ABCA4: variants seen among roughly 807,000 people sequenced by gnomAD.
The protein encoded by ABCA4 is retinal-specific phospholipid-transporting ATPase ABCA4.
In ABCA4, 196 loss-of-function variants were observed where a neutral mutation model predicts 263.7. The ratio of observed to expected loss-of-function variants is 0.74; its 90% confidence interval spans 0.66 to 0.84. The LOEUF is 0.84. Among genes scored for constraint, ABCA4 ranks in the 40% least tolerant of loss-of-function variants. The pLI, the probability that ABCA4 is intolerant of heterozygous loss-of-function variation, is 0.00. For missense variants in ABCA4, 2,792 were observed against 2,855.1 expected, an observed-to-expected ratio of 0.98 and a Z score of 0.50; for synonymous variants, 1,133 against 1,094.2, an observed-to-expected ratio of 1.04 and a Z score of -0.70.
intron 9 of ABCA4, among the ~76,000 whole-genome samples, 200 bp downstream of exon 9, chr1:94,079,122 G>C (rs1029137152): frequency 5.9e-5 from 9 of 152,178 alleles, no homozygotes; most frequent in African/African-American, 1.9e-4. Context: ...GCAGTAGAGA[G>C]GGGAGGGCCC....
intron 3 of ABCA4, 96 bp from the exon 4 acceptor site, chr1:94,108,812 A>G (rs538395476): frequency 8.5e-5 from 124 of 1,451,582 alleles, no homozygotes; most frequent in Admixed American, 1.9e-4. Context: ...TCGCTCTGTC[A>G]CCCAGGCTGG....
Position 94,055,322 on chromosome 1 carries a change from T to G in ABCA4, c.2383-7A>C. On this transcript the variant is annotated splice_region_variant and splice_polypyrimidine_tract_variant and intron_variant, in intron 15 of 49. Coordinates refer to ENST00000370225, the MANE Select transcript of ABCA4 (RefSeq NM_000350.3). ...CCACCGGAGACAGTAAGCTCTGCAG[T>G]GAGGCGGAGAGGGCACAGAAAAAGA... 1 of 1,612,326 alleles carries G rather than the reference T, an allele frequency of 6.2e-7. No homozygotes were observed. The highest frequency in any genetic ancestry group is 8.5e-7 in the Non-Finnish European group (1 of 1,179,452).
intron 47 of ABCA4, 109 bp from the exon 48 acceptor site, chr1:93,998,219 G>C: frequency 1.4e-6 from 2 of 1,468,752 alleles, no homozygotes; most frequent in East Asian, 2.3e-5. Flanking sequence ...AGCTCAGCTT[G>C]GTGGCTCACA....
chr1:94,088,722 C>A (rs1661897965), intron 6 of ABCA4, among the ~76,000 whole-genome samples: 1 of 152,056 alleles, frequency 6.6e-6, no homozygotes, highest in Non-Finnish European at 1.5e-5. Context: ...AGAGGGTAAC[C>A]AAGGGACATC....
At position 94,089,506 on chromosome 1, in the gene ABCA4, C is replaced by T. The variant is rs899710935; in HGVS notation, c.769-6065G>A. ...TTTTTGAGATGGAGTGTCACACTGT[C>T]GCCTAGGTGGGAGTGCAGTGGCACG... On this transcript the variant is annotated intron_variant, in intron 6 of 49. Transcript: ENST00000370225. Among the ~76,000 whole-genome samples the T allele has an allele frequency of 8.2e-5, 12 of 146,798 alleles. No individual in the cohort carries two copies. In the South Asian group the frequency reaches 1.1e-3, roughly 13 times the overall value.
At chr1:94,099,657 G>A (rs925506191) in intron 5 of ABCA4, among the ~76,000 whole-genome samples, 1 of 152,204 alleles carries the variant, frequency 6.6e-6, no homozygotes, top group Non-Finnish European at 1.5e-5. Flanking sequence ...AAAAGCACCA[G>A]ATGCCCAGTC....
Position 94,088,291 on chromosome 1 carries a change from C to T in ABCA4, c.769-4850G>A, listed in dbSNP as rs1661885039. Reference sequence around the variant, plus strand: ...CTGGTTTGCTTTGCTACTTCTCTGCCTTTCCCACCAGCAACTGTACCTCTA... The same window carrying T: ...CTGGTTTGCTTTGCTACTTCTCTGCTTTTCCCACCAGCAACTGTACCTCTA... On this transcript the variant is annotated intron_variant, in intron 6 of 49. Transcript: ENST00000370225. 5.3e-5 allele frequency among the ~76,000 whole-genome samples: 8 copies of T among 152,310 alleles called. No homozygotes were observed. In the South Asian group the frequency reaches 1.7e-3, roughly 32 times the overall value.
At chr1:94,119,991 T>C (rs1190883354) in intron 1 of ABCA4, among the ~76,000 whole-genome samples, 1 of 152,084 alleles carries the variant, frequency 6.6e-6, no homozygotes, top group Non-Finnish European at 1.5e-5. Context: ...CCCCATCCCT[T>C]ATCCCCTCCT....
intron 6 of ABCA4, among the ~76,000 whole-genome samples, chr1:94,092,360 G>C (rs999829014): frequency 6.6e-6 from 1 of 152,212 alleles, no homozygotes; most frequent in Non-Finnish European, 1.5e-5. Context: ...ACATTTATCC[G>C]GGAGGGAAGT....
intron 6 of ABCA4, among the ~76,000 whole-genome samples, chr1:94,095,749 GTTTTTT>G (rs4147879): frequency 7.3e-6 from 1 of 136,964 alleles, no homozygotes; most frequent in East Asian, 2.2e-4. Flanking sequence ...TTTCTTTCAG[GTTTTTT>G]TTTTTTTTTT....
chr1:94,009,333 G>C (rs1350175416), intron 40 of ABCA4, among the ~76,000 whole-genome samples: 1 of 152,106 alleles, frequency 6.6e-6, no homozygotes, highest in Non-Finnish European at 1.5e-5. Context: ...ACTTCCTCCA[G>C]TCTGCCCTGC....
At chr1:94,085,607 T>C (rs1191718117) in intron 6 of ABCA4, among the ~76,000 whole-genome samples, 1 of 152,106 alleles carries the variant, frequency 6.6e-6, no homozygotes, top group African/African-American at 2.4e-5. Flanking sequence ...AACAGGCCAA[T>C]CCAGTCATGT....
Position 94,019,637 on chromosome 1 carries a change from A to C in ABCA4, c.5141T>G (p.Phe1714Cys). ...ERVNKSKHLQ[F>C]ISGVSPTTYW... ...GGTGGTGGGGCTCACTCCACTGATAAACTGGAGGTGCTTGGATTTGTTCAC... is the reference window on the plus strand; with the variant it reads ...GGTGGTGGGGCTCACTCCACTGATACACTGGAGGTGCTTGGATTTGTTCAC... The change falls in exon 36 of 50, where the codon TTT becomes TGT. Residue 1714 changes from phenylalanine to cysteine, a missense_variant. Phe to Cys is a radical substitution (Grantham distance 205). Transcript: ENST00000370225. 1 of 1,612,446 alleles carries C rather than the reference A, an allele frequency of 6.2e-7. No individual in the cohort carries two copies. Among genetic ancestry groups the C allele is most frequent in the Non-Finnish European group, 8.5e-7 (1 of 1,179,268 alleles).
At position 94,043,358 on chromosome 1, in the gene ABCA4, A is replaced by G; in HGVS notation, c.3168T>C (p.Asn1056=). Residue 1056 remains asparagine, a synonymous_variant, in exon 21 of 50, where the codon AAT becomes AAC. Coordinates refer to ENST00000370225, the MANE Select transcript of ABCA4 (RefSeq NM_000350.3). Reference sequence around the variant, plus strand: ...CACCTGATAGGTCCTGAGCCTCTTCATTCCGCTTGTGGTGGAGGCCTGTGT... The same window carrying G: ...CACCTGATAGGTCCTGAGCCTCTTCGTTCCGCTTGTGGTGGAGGCCTGTGT... ...LEDTGLHHKR[N]EEAQDLSGGM... 1 of 1,614,022 alleles carries G rather than the reference A, an allele frequency of 6.2e-7. No homozygotes were observed. Among genetic ancestry groups the G allele is most frequent in the Non-Finnish European group, 8.5e-7 (1 of 1,180,004 alleles).
chr1:94,041,997 G>T (rs1660500114), intron 22 of ABCA4, among the ~76,000 whole-genome samples: 1 of 151,638 alleles, frequency 6.6e-6, no homozygotes, highest in African/African-American at 2.4e-5. Context: ...TACTCAGGAG[G>T]CTGAGGCAGG....
At chr1:94,078,835 T>C in intron 9 of ABCA4, 129 bp from the exon 10 acceptor site, 2 of 775,326 alleles carry the variant, frequency 2.6e-6, no homozygotes, top group Non-Finnish European at 4.7e-6. Context: ...TGTTTTTATT[T>C]TCTCAGTCTA....
At chr1:94,092,801 C>T (rs1240775378) in intron 6 of ABCA4, among the ~76,000 whole-genome samples, 1 of 140,454 alleles carries the variant, frequency 7.1e-6, no homozygotes, top group Non-Finnish European at 1.6e-5. Context: ...CAGACCTTCT[C>T]CTAGTCTGGG....
chr1:94,103,376 G>C (rs929252303), intron 4 of ABCA4, among the ~76,000 whole-genome samples: 1 of 151,144 alleles, frequency 6.6e-6, no homozygotes, highest in African/African-American at 2.5e-5. Flanking sequence ...GTTAGCCAGG[G>C]CTGGATGGGG....
intron 39 of ABCA4, 25 bp from the exon 40 acceptor site, chr1:94,010,954 C>T (rs1659529365): frequency 1.2e-6 from 2 of 1,613,824 alleles, no homozygotes; most frequent in Admixed American, 1.7e-5. Flanking sequence ...GAATTGAGTC[C>T]ACTTCAGCCG....
Sources: allele counts gnomAD v4.1 joint callset (sites outside exome capture counted in the v4.1 genomes callset), GRCh38; gene constraint gnomAD v4.1.1; transcripts MANE v1.5; gene names NCBI Gene and HGNC (gene_info 2026-07-23, HGNC 2026-07-21).